Variants in ZNF608 observed in about 807,000 individuals in gnomAD.
The protein encoded by ZNF608 is zinc finger protein 608.
In ZNF608, 12 loss-of-function variants were observed where a neutral mutation model predicts 109.0. That is an observed-to-expected ratio of 0.11 (90% CI 0.07 to 0.18). The LOEUF (loss-of-function observed/expected upper bound fraction) is 0.18. Ranked by LOEUF, ZNF608 falls within the 10% of genes least tolerant of loss-of-function variation. The pLI is 1.00. For synonymous variants in ZNF608, 732 were observed against 717.4 expected, an observed-to-expected ratio of 1.02 and a Z score of -0.33; for missense variants, 1,707 against 1,879.3, an observed-to-expected ratio of 0.91 and a Z score of 1.70.
chr5:124,747,988 G>A (rs747227930), upstream of ZNF608, among the ~76,000 whole-genome samples: 4 of 152,114 alleles, frequency 2.6e-5, no homozygotes, highest in Non-Finnish European at 4.4e-5. Flanking sequence ...TGGGTTGGGT[G>A]GGGCTTTTAT....
intron 2 of ZNF608, among the ~76,000 whole-genome samples, chr5:124,739,579 G>C (rs939017093): frequency 2.6e-5 from 4 of 152,202 alleles, no homozygotes; most frequent in Non-Finnish European, 4.4e-5. Context: ...TGCAGGAACT[G>C]TATAACCATT....
Position 124,649,297 on chromosome 5 carries a change from C to T in ZNF608, c.1251-164G>A, listed in dbSNP as rs146052013. Among the ~76,000 whole-genome samples, 1,034 of 152,250 alleles carry T rather than the reference C, an allele frequency of 6.8e-3. 12 individuals are homozygous for T. Among genetic ancestry groups the T allele is most frequent in the African/African-American group, 0.022 (931 of 41,532 alleles). ...TTTCCAACACCTGCAAAAGAACAGG[C>T]GACCAAGGGCTTATATTCTTCCTCA... On this transcript the variant is annotated intron_variant, in intron 4 of 9. Coordinates refer to ENST00000513986, the MANE Select transcript of ZNF608 (RefSeq NM_020747.3).
At chr5:124,675,423 T>C (rs1055247676) in intron 3 of ZNF608, among the ~76,000 whole-genome samples, 1 of 152,192 alleles carries the variant, frequency 6.6e-6, no homozygotes, top group African/African-American at 2.4e-5. Flanking sequence ...CAGGAAAATT[T>C]ACAAAAAACA....
chr5:124,668,844 G>A (rs1751593412), intron 3 of ZNF608, among the ~76,000 whole-genome samples: 1 of 152,140 alleles, frequency 6.6e-6, no homozygotes, highest in South Asian at 2.1e-4. Context: ...GGTAAAGAAG[G>A]GGCCAATACA....
At chr5:124,644,752 T>A in intron 5 of ZNF608, 91 bp from the exon 6 acceptor site, 1 of 1,077,148 alleles carries the variant, frequency 9.3e-7, no homozygotes, top group Non-Finnish European at 1.3e-6. Flanking sequence ...ATGACAGCAC[T>A]AGCACTCTTA....
At chr5:124,668,281 G>C (rs1359092465) in intron 3 of ZNF608, among the ~76,000 whole-genome samples, 1 of 147,060 alleles carries the variant, frequency 6.8e-6, no homozygotes, top group Non-Finnish European at 1.5e-5. Context: ...TGCACCTATA[G>C]TTCCAGCTAC....
At chr5:124,674,270 T>A (rs1488225530) in intron 3 of ZNF608, among the ~76,000 whole-genome samples, 2 of 152,194 alleles carry the variant, frequency 1.3e-5, no homozygotes, top group Non-Finnish European at 2.9e-5. Flanking sequence ...CATAATTGAG[T>A]GCAGTGGTTC....
intron 3 of ZNF608, among the ~76,000 whole-genome samples, chr5:124,669,501 G>C (rs867394136): frequency 6.6e-6 from 1 of 152,076 alleles, no homozygotes; most frequent in Non-Finnish European, 1.5e-5. Context: ...AAAACAAATG[G>C]GCTGTCCCTG....
chr5:124,704,684 C>T (rs1257047204), intron 2 of ZNF608, among the ~76,000 whole-genome samples: 2 of 152,032 alleles, frequency 1.3e-5, no homozygotes, highest in Non-Finnish European at 2.9e-5. Context: ...GCCCACATTC[C>T]TCATGGCATC....
At chr5:124,682,288 G>T (rs1438093147) in intron 3 of ZNF608, among the ~76,000 whole-genome samples, 1 of 152,188 alleles carries the variant, frequency 6.6e-6, no homozygotes, top group Non-Finnish European at 1.5e-5. Flanking sequence ...GGCCAGCCTG[G>T]TCTCAAACTC....
chr5:124,689,395 T>C (rs1450836008), intron 3 of ZNF608, among the ~76,000 whole-genome samples: 1 of 151,462 alleles, frequency 6.6e-6, no homozygotes, highest in Non-Finnish European at 1.5e-5. Context: ...AAACCTGCAA[T>C]GTGCTATGAT....
chr5:124,645,526 T>C (rs1216167746), intron 5 of ZNF608, among the ~76,000 whole-genome samples: 1 of 150,372 alleles, frequency 6.7e-6, no homozygotes, highest in East Asian at 2.0e-4. Flanking sequence ...TGGGGGCTGG[T>C]GGTTCTTGCT....
chr5:124,676,425 T>A (rs531692366), intron 3 of ZNF608, among the ~76,000 whole-genome samples: 1 of 152,236 alleles, frequency 6.6e-6, no homozygotes, highest in African/African-American at 2.4e-5. Context: ...CAATGACTTA[T>A]CTAGACCGCT....
Position 124,644,234 on chromosome 5 carries a change from C to G in ZNF608, c.4123+10G>C, listed in dbSNP as rs577744685. ...TTTCCTCCAATATAGTCAGAACCGA[C>G]AACACGTACCAGGATAACTGTGCAT... On this transcript the variant is annotated intron_variant, in intron 6 of 9. Coordinates refer to ENST00000513986, the MANE Select transcript of ZNF608 (RefSeq NM_020747.3). The G allele has an allele frequency of 3.1e-6, 5 of 1,592,052 alleles. No homozygotes were observed. Among genetic ancestry groups the G allele is most frequent in the Non-Finnish European group, 4.3e-6 (5 of 1,164,070 alleles).
intron 3 of ZNF608, among the ~76,000 whole-genome samples, chr5:124,656,305 TATGAAAGC>T (rs1170140540): frequency 6.6e-6 from 1 of 152,186 alleles, no homozygotes; most frequent in East Asian, 1.9e-4. Context: ...TGTACTACTT[TATGAAAGC>T]ACAGTGAGCT....
chr5:124,740,656 T>C (rs947334573), intron 2 of ZNF608, among the ~76,000 whole-genome samples: 13 of 152,246 alleles, frequency 8.5e-5, no homozygotes, highest in Middle Eastern at 3.4e-3. Context: ...ATGAATGATA[T>C]CCTTTATGGA....
chr5:124,744,845 C>G lies in ZNF608; in HGVS notation c.145G>C (p.Glu49Gln). 6.2e-7 allele frequency: 1 copy of G among 1,614,224 alleles called. No individual in the cohort carries two copies. The highest frequency in any genetic ancestry group is 8.5e-7 in the Non-Finnish European group (1 of 1,180,040). The change falls in exon 2 of 10, where the codon GAG becomes CAG. Residue 49 changes from glutamate to glutamine, a missense_variant. Around this residue, in one of 7 missense-constraint regions of ZNF608, gnomAD observed 407 missense variants for 398.7 expected, o/e 1.02. Coordinates refer to ENST00000513986, the MANE Select transcript of ZNF608 (RefSeq NM_020747.3). The surrounding 1 kb of genome is among the most constrained non-coding windows in gnomAD (Gnocchi z 4.5). ...GTGGTGGTGGTGGAATTATTCATCT[C>G]AAATTTCTGTCTGTCCTTCTCCAAA... ...ADLEKDRQKF[E>Q]MNNSTTTTSS...
chr5:124,735,549 T>C lies in ZNF608; in HGVS notation c.906+8535A>G, dbSNP rs145059125. On this transcript the variant is annotated intron_variant, in intron 2 of 9. Coordinates refer to ENST00000513986, the MANE Select transcript of ZNF608 (RefSeq NM_020747.3). ...ACCTGCACACTGATAAACTGGAGGA[T>C]GCAAAAGTCAAAGGGAGAGAAGGCT... 2.7e-3 allele frequency among the ~76,000 whole-genome samples: 416 copies of C among 152,312 alleles called. 3 individuals are homozygous for C. The highest frequency in any genetic ancestry group is 9.6e-3 in the African/African-American group (398 of 41,570).
chr5:124,654,157 G>A (rs1247778765), intron 3 of ZNF608, among the ~76,000 whole-genome samples: 1 of 151,942 alleles, frequency 6.6e-6, no homozygotes, highest in Non-Finnish European at 1.5e-5. Flanking sequence ...GACCATGTTG[G>A]CATTCTCCCC....
Sources: allele counts gnomAD v4.1 joint callset (sites outside exome capture counted in the v4.1 genomes callset), GRCh38; gene constraint gnomAD v4.1.1; regional missense constraint gnomAD v4.1.1; non-coding constraint Gnocchi (gnomAD v3.1); transcripts MANE v1.5; gene names NCBI Gene and HGNC (gene_info 2026-07-23, HGNC 2026-07-21).